Variants in CUL2 observed in about 807,000 individuals in gnomAD.
The protein encoded by CUL2 is cullin 2.
Under a neutral mutation model 110.2 loss-of-function variants are expected in CUL2, and 22 were observed. That is an observed-to-expected ratio of 0.20 (90% CI 0.14 to 0.28). The LOEUF is 0.28. Ranked by LOEUF, CUL2 falls within the 10% of genes least tolerant of loss-of-function variation. The probability of loss-of-function intolerance (pLI) is 1.00; values close to 1 mark genes in which losing one functional copy is unlikely to be tolerated. For synonymous variants in CUL2, 279 were observed against 293.2 expected, an observed-to-expected ratio of 0.95 and a Z score of 0.49; for missense variants, 631 against 905.5, an observed-to-expected ratio of 0.70 and a Z score of 3.89.
intron 1 of CUL2, among the ~76,000 whole-genome samples, chr10:35,089,169 C>CTT (rs1485618341): frequency 6.6e-6 from 1 of 152,198 alleles, no homozygotes; most frequent in East Asian, 1.9e-4. Flanking sequence ...GAGCAAAACT[C>CTT]CATCTCAAAA....
At chr10:35,043,213 G>A (rs999415507) in intron 8 of CUL2, among the ~76,000 whole-genome samples, 1 of 152,150 alleles carries the variant, frequency 6.6e-6, no homozygotes, top group Non-Finnish European at 1.5e-5. Flanking sequence ...CCACTTGCCA[G>A]TGGCATATTT....
Position 35,060,879 on chromosome 10 carries a change from T to C in CUL2, c.312A>G (p.Leu104=), listed in dbSNP as rs368423758. The part of the protein sequence containing the change: ...YSKGADYMDC[L]YRYLNTQFIK... ...GATTTTAAAGGCACACTCACCTATA[T>C]AAGCAGTCCATATAGTCTGCACCCT... The change falls in exon 4 of 21, where the codon TTA becomes TTG. Residue 104 remains leucine, a synonymous_variant. Coordinates refer to ENST00000374749, the MANE Select transcript of CUL2 (RefSeq NM_003591.4). The C allele has an allele frequency of 6.2e-5, 100 of 1,610,148 alleles. No individual in the cohort carries two copies. Among genetic ancestry groups the C allele is most frequent in the Non-Finnish European group, 8.2e-5 (97 of 1,177,758 alleles).
Position 35,028,858 on chromosome 10 carries a change from A to G in CUL2, c.1569T>C (p.Pro523=). Residue 523 remains proline, a synonymous_variant, in exon 16 of 21, where the codon CCT becomes CCC. Coordinates refer to ENST00000374749, the MANE Select transcript of CUL2 (RefSeq NM_003591.4). The stretch of plus-strand genomic sequence containing the variant: ...CCTGGGGAATTGCAAACGTAGATGA[A>G]GGAGCCTGAGTAAGAGGCCACGCAC... ...QAGAWPLTQA[P]SSTFAIPQEL... 2 of 1,611,990 alleles carry G rather than the reference A, an allele frequency of 1.2e-6. No homozygotes were observed. Among genetic ancestry groups the G allele is most frequent in the Non-Finnish European group, 8.5e-7 (1 of 1,178,554 alleles).
At chr10:35,013,612 T>G in intron 19 of CUL2, 87 bp downstream of exon 19, 1 of 844,172 alleles carries the variant, frequency 1.2e-6, no homozygotes, top group East Asian at 2.9e-5. Flanking sequence ...CTGTGCAAAG[T>G]TTTGCACAAT....
chr10:35,017,870 G>T lies in CUL2; in HGVS notation c.1685-1476C>A, dbSNP rs1203679724. On this transcript the variant is annotated intron_variant, in intron 17 of 20. Transcript: ENST00000374749. ...GTCTACACTCTGTAATGTTCCATAC[G>T]TGTTTAAAAAAAAAAAAAAAGAAAA... 5.4e-5 allele frequency among the ~76,000 whole-genome samples: 7 copies of T among 128,614 alleles called. No homozygotes were observed. The Admixed American group carries it at 5.5e-4, about 10-fold the overall frequency. 84.4% of individuals were successfully genotyped at this position (128,614 alleles called of 152,430 possible). A position where few individuals can be genotyped will look rare whatever the true frequency, so the allele number is the denominator to read the frequency against.
intron 19 of CUL2, among the ~76,000 whole-genome samples, chr10:35,012,310 T>C (rs1472376785): frequency 6.6e-6 from 1 of 152,182 alleles, no homozygotes; most frequent in South Asian, 2.1e-4. Context: ...GAAAAAAATT[T>C]ACATTATTGT....
At chr10:35,020,769 T>C (rs558232611) in intron 17 of CUL2, among the ~76,000 whole-genome samples, 6 of 152,296 alleles carry the variant, frequency 3.9e-5, no homozygotes, top group Admixed American at 1.3e-4. Context: ...TATGTCTTTA[T>C]CAAACTGTTC....
intron 1 of CUL2, among the ~76,000 whole-genome samples, chr10:35,121,809 CA>C (rs148455667): frequency 0.015 from 1,374 of 94,076 alleles, 13 homozygotes; most frequent in African/African-American, 0.039. Context: ...GACCCTGTCT[CA>C]AAAAAAAAAA....
Position 35,062,943 on chromosome 10 carries a change from T to C in CUL2, c.222+17A>G, listed in dbSNP as rs754930313. 3 of 1,302,536 alleles carry C rather than the reference T, an allele frequency of 2.3e-6. No individual in the cohort carries two copies. The Admixed American group carries it at 5.2e-5, about 23-fold the overall frequency. 80.7% of individuals were successfully genotyped at this position (1,302,536 alleles called of 1,614,324 possible). On this transcript the variant is annotated intron_variant, in intron 3 of 20. Coordinates refer to ENST00000374749, the MANE Select transcript of CUL2 (RefSeq NM_003591.4). ...CAACTATCAACATATTTATATCACG[T>C]ATGTATCATTGCTTACCTTATGCAA...
intron 8 of CUL2, among the ~76,000 whole-genome samples, chr10:35,039,911 G>A (rs1169696412): frequency 6.6e-6 from 1 of 152,144 alleles, no homozygotes; most frequent in Non-Finnish European, 1.5e-5. Flanking sequence ...CCAGCACTTT[G>A]GGAGGCCGAG....
chr10:35,012,141 T>A (rs1049326000), intron 19 of CUL2, among the ~76,000 whole-genome samples, 177 bp from the exon 20 acceptor site: 2 of 150,404 alleles, frequency 1.3e-5, no homozygotes, highest in Non-Finnish European at 3.0e-5. Context: ...GCAACCTCCA[T>A]CTCCTGGGTT....
intron 16 of CUL2, among the ~76,000 whole-genome samples, chr10:35,027,736 C>T (rs1055848745): frequency 3.3e-5 from 5 of 151,862 alleles, no homozygotes; most frequent in Non-Finnish European, 7.4e-5. Context: ...AAAACTTGGA[C>T]TTACTAGAAA....
intron 20 of CUL2, 39 bp downstream of exon 20, chr10:35,011,809 C>T (rs772716457): frequency 1.8e-6 from 2 of 1,086,530 alleles, no homozygotes; most frequent in Non-Finnish European, 2.8e-6. Context: ...TGACAATGCC[C>T]TCTACCCTAA....
chr10:35,031,581 C>T lies in CUL2; in HGVS notation c.1209G>A (p.Ala403=), dbSNP rs150963156. 4.5e-4 allele frequency: 734 copies of T among 1,614,056 alleles called. No homozygotes were observed. Among genetic ancestry groups the T allele is most frequent in the Non-Finnish European group, 5.8e-4 (690 of 1,179,958 alleles). ...KYCDNLLKKS[A]KGMTENEVED... ...CCACTTCATTCTCTGTCATCCCTTT[C>T]GCTGACTTCTTCAGTAAGTTGTCAC... Residue 403 remains alanine, a synonymous_variant, in exon 13 of 21, where the codon GCG becomes GCA. Transcript: ENST00000374749. The surrounding 1 kb of genome is among the most constrained non-coding windows in gnomAD (Gnocchi z 4.4).
chr10:35,039,669 A>C (rs1457711453), intron 8 of CUL2, among the ~76,000 whole-genome samples: 1 of 152,196 alleles, frequency 6.6e-6, no homozygotes, highest in African/African-American at 2.4e-5. Flanking sequence ...GTTTGAGACC[A>C]GCATGGCCAA....
intron 1 of CUL2, among the ~76,000 whole-genome samples, chr10:35,105,785 C>G (rs1403109116): frequency 6.8e-6 from 1 of 147,398 alleles, no homozygotes; most frequent in Non-Finnish European, 1.5e-5. Context: ...AGAAGCTTTA[C>G]TAAAAGCCAT....
In CUL2 at chr10:35,009,201, T is replaced by TTATATATATATATATATATATTATA. The variant is rs58058299; in HGVS notation, c.*1109_*1110insTATAATATATATATATATATATATA. ...CTGTTGAGATATATATATATATATA[T>TTATATATATATATATATATATTATA]TATATATATATATATATATAAAATA... On this transcript the variant is annotated 3_prime_UTR_variant, in exon 21 of 21. Coordinates refer to ENST00000374749, the MANE Select transcript of CUL2 (RefSeq NM_003591.4). The TTATATATATATATATATATATTATA allele has an allele frequency of 7.3e-6, 1 of 137,896 alleles. No homozygotes were observed. Among genetic ancestry groups the TTATATATATATATATATATATTATA allele is most frequent in the Non-Finnish European group, 1.5e-5 (1 of 65,058 alleles). 8.5% of individuals were successfully genotyped at this position (137,896 alleles called of 1,614,324 possible).
intron 1 of CUL2, among the ~76,000 whole-genome samples, chr10:35,074,902 C>G (rs1257149055): frequency 6.6e-6 from 1 of 152,182 alleles, no homozygotes; most frequent in African/African-American, 2.4e-5. Context: ...TCGCTCTGAA[C>G]TGTAATTACC....
At chr10:35,020,279 G>A (rs931607073) in intron 17 of CUL2, among the ~76,000 whole-genome samples, 1 of 152,168 alleles carries the variant, frequency 6.6e-6, no homozygotes, top group Non-Finnish European at 1.5e-5. Context: ...GAAGTGGGGA[G>A]GTGGAAGGGA....
Sources: allele counts gnomAD v4.1 joint callset (sites outside exome capture counted in the v4.1 genomes callset), GRCh38; gene constraint gnomAD v4.1.1; non-coding constraint Gnocchi (gnomAD v3.1); transcripts MANE v1.5; gene names NCBI Gene and HGNC (gene_info 2026-07-23, HGNC 2026-07-21).